Variants in DCLK2 observed in about 807,000 individuals in gnomAD.
DCLK2 encodes doublecortin like kinase 2, also known as serine/threonine-protein kinase DCLK2.
A neutral mutation model predicts 78.4 loss-of-function variants in DCLK2; 31 were observed. The ratio of observed to expected loss-of-function variants is 0.40; its 90% CI spans 0.30 to 0.53. The LOEUF (loss-of-function observed/expected upper bound fraction) is 0.53. Among genes scored for constraint, DCLK2 ranks in the 20% least tolerant of loss-of-function variants. DCLK2 has a pLI of 0.61. For synonymous variants in DCLK2, 407 were observed against 374.9 expected (o/e 1.09, Z -0.99); for missense variants, 872 against 973.7 (o/e 0.90, Z 1.39).
intron 2 of DCLK2, among the ~76,000 whole-genome samples, chr4:150,106,772 A>G (rs1258360767): frequency 1.3e-5 from 2 of 152,196 alleles, no homozygotes; most frequent in African/African-American, 4.8e-5. Flanking sequence ...TTATGGGGCT[A>G]AAACAGTGTC....
chr4:150,141,982 T>C (rs1734142237), intron 2 of DCLK2, among the ~76,000 whole-genome samples: 1 of 152,204 alleles, frequency 6.6e-6, no homozygotes, highest in Non-Finnish European at 1.5e-5. Flanking sequence ...ATGCTTCAGA[T>C]CTCTTTCAGG....
chr4:150,152,435 C>T (rs375598975), intron 2 of DCLK2, among the ~76,000 whole-genome samples: 2 of 152,310 alleles, frequency 1.3e-5, no homozygotes, highest in South Asian at 2.1e-4. Flanking sequence ...GTGCCCACCA[C>T]CACACCCAGC....
chr4:150,165,052 T>C (rs1190329313), intron 2 of DCLK2, among the ~76,000 whole-genome samples: 1 of 152,216 alleles, frequency 6.6e-6, no homozygotes, highest in Non-Finnish European at 1.5e-5. Context: ...GGTTTAACCA[T>C]CCTGAGACAA....
Position 150,078,951 on chromosome 4 carries a change from C to G in DCLK2, c.-77C>G. ...CCGGCGCGTTAAGGGCCCTCGCAGT[C>G]AGACGTCCCTGCACCGGCGCTCGCA... On this transcript the variant is annotated 5_prime_UTR_variant, in exon 1 of 16. Coordinates refer to ENST00000296550, the MANE Select transcript of DCLK2 (RefSeq NM_001040260.4). The G allele has an allele frequency of 7.0e-7, 1 of 1,426,050 alleles. No individual in the cohort carries two copies. The highest frequency in any genetic ancestry group is 9.2e-7 in the Non-Finnish European group (1 of 1,086,416). 88.3% of individuals were successfully genotyped at this position (1,426,050 alleles called of 1,614,324 possible).
intron 4 of DCLK2, 80 bp downstream of exon 4, chr4:150,198,183 G>A: frequency 1.5e-6 from 2 of 1,322,764 alleles, no homozygotes; most frequent in Non-Finnish European, 2.1e-6. Flanking sequence ...TTATGAATTA[G>A]TAGTCTTTGC....
At chr4:150,191,137 CA>C (rs1446826422) in intron 2 of DCLK2, among the ~76,000 whole-genome samples, 1 of 151,930 alleles carries the variant, frequency 6.6e-6, no homozygotes, top group African/African-American at 2.4e-5. Context: ...AAGGAACAAA[CA>C]AAAAACCCAT....
intron 2 of DCLK2, among the ~76,000 whole-genome samples, chr4:150,192,753 C>T (rs1738559839): frequency 6.6e-6 from 1 of 152,076 alleles, no homozygotes; most frequent in Non-Finnish European, 1.5e-5. Context: ...CAGTGGGAAG[C>T]AGAGTTGTTA....
intron 2 of DCLK2, among the ~76,000 whole-genome samples, chr4:150,136,110 T>TGA (rs1733666594): frequency 6.6e-6 from 1 of 151,486 alleles, no homozygotes; most frequent in South Asian, 2.1e-4. Context: ...GAGAGGGGAG[T>TGA]GAAACCAAGG....
chr4:150,101,727 G>A (rs1730904529), intron 1 of DCLK2, among the ~76,000 whole-genome samples: 1 of 152,050 alleles, frequency 6.6e-6, no homozygotes, highest in South Asian at 2.1e-4. Flanking sequence ...TAGCTCTTAT[G>A]TTGTACTTAA....
chr4:150,188,508 G>A (rs1260974577), intron 2 of DCLK2, among the ~76,000 whole-genome samples: 1 of 152,102 alleles, frequency 6.6e-6, no homozygotes, highest in Admixed American at 6.5e-5. Context: ...TAGGCATTCA[G>A]TGACTAGAAC....
At chr4:150,145,477 T>C (rs1734405063) in intron 2 of DCLK2, among the ~76,000 whole-genome samples, 1 of 152,228 alleles carries the variant, frequency 6.6e-6, no homozygotes, top group Non-Finnish European at 1.5e-5. Context: ...TTGAACACTT[T>C]AATACTTTTT....
intron 2 of DCLK2, among the ~76,000 whole-genome samples, chr4:150,149,670 C>T (rs1402783108): frequency 6.6e-6 from 1 of 152,162 alleles, no homozygotes; most frequent in Non-Finnish European, 1.5e-5. Flanking sequence ...CGTGTTATTT[C>T]ACACATAAAA....
rs145967650 is a variant in DCLK2, at chr4:150,090,510, G to A, written c.421+11062G>A. On this transcript the variant is annotated intron_variant, in intron 1 of 15. Coordinates refer to ENST00000296550, the MANE Select transcript of DCLK2 (RefSeq NM_001040260.4). ...GATTTTGGGATATTCTTGGCCCCAT[G>A]TATGAGGAGCAAAAAAACCAGATCA... is the stretch of plus-strand genomic sequence containing the variant. Among the ~76,000 whole-genome samples, 386 of 95,856 alleles carry A rather than the reference G, an allele frequency of 4.0e-3. 2 individuals carry two copies. The highest frequency in any genetic ancestry group is 0.012 in the African/African-American group (380 of 30,684). 62.9% of individuals were successfully genotyped at this position (95,856 alleles called of 152,430 possible).
intron 3 of DCLK2, among the ~76,000 whole-genome samples, chr4:150,194,256 G>C (rs1265801116): frequency 6.6e-6 from 1 of 152,130 alleles, no homozygotes; most frequent in African/African-American, 2.4e-5. Context: ...GTGCTATACA[G>C]GTTTGTAGCC....
At chr4:150,133,130 T>C (rs1308131225) in intron 2 of DCLK2, among the ~76,000 whole-genome samples, 1 of 152,210 alleles carries the variant, frequency 6.6e-6, no homozygotes, top group East Asian at 1.9e-4. Flanking sequence ...GAACACCAGA[T>C]AGCACTTCAG....
intron 7 of DCLK2, among the ~76,000 whole-genome samples, chr4:150,223,619 C>G (rs1741364055): frequency 6.6e-6 from 1 of 152,256 alleles, no homozygotes; most frequent in South Asian, 2.1e-4. Flanking sequence ...TGGCAGGTGC[C>G]TGTAATCCCA....
intron 2 of DCLK2, among the ~76,000 whole-genome samples, chr4:150,173,688 C>T (rs1477411792): frequency 6.6e-6 from 1 of 152,170 alleles, no homozygotes; most frequent in Non-Finnish European, 1.5e-5. Flanking sequence ...ATTGTCCTCT[C>T]AGGCAGTATG....
At chr4:150,224,878 T>C (rs1741479554) in intron 8 of DCLK2, among the ~76,000 whole-genome samples, 1 of 152,196 alleles carries the variant, frequency 6.6e-6, no homozygotes, top group Non-Finnish European at 1.5e-5. Flanking sequence ...ACTTGCAAGC[T>C]AACAAAGCCT....
At chr4:150,105,838 C>A (rs987863078) in intron 2 of DCLK2, among the ~76,000 whole-genome samples, 4 of 151,984 alleles carry the variant, frequency 2.6e-5, no homozygotes, top group African/African-American at 9.7e-5. Flanking sequence ...GTTTTCAATT[C>A]TTTGTACAGT....
Sources: gnomAD v4.1 joint callset for allele counts (sites outside exome capture counted in the v4.1 genomes callset) on GRCh38, gnomAD v4.1.1 for gene constraint, MANE v1.5 for transcripts, NCBI Gene and HGNC (gene_info 2026-07-23, HGNC 2026-07-21) for gene names.